RCOR3: variants seen among roughly 807,000 people sequenced by gnomAD.
The protein encoded by RCOR3 is REST corepressor 3.
A neutral mutation model predicts 64.1 loss-of-function variants in RCOR3; 13 were observed. The ratio of observed to expected loss-of-function variants is 0.20; its 90% CI spans 0.13 to 0.32. RCOR3 has a LOEUF of 0.32. Ranked by LOEUF, RCOR3 falls within the 10% of genes least tolerant of loss-of-function variation. The probability of loss-of-function intolerance (pLI) is 1.00; values close to 1 mark genes in which losing one functional copy is unlikely to be tolerated. For synonymous variants in RCOR3, 215 were observed against 239.0 expected, an observed-to-expected ratio of 0.90 and a Z score of 0.93; for missense variants, 489 against 701.2, an observed-to-expected ratio of 0.70 and a Z score of 3.42.
chr1:211,268,853 TATAAC>T (rs139035890), intron 2 of RCOR3, among the ~76,000 whole-genome samples: 5,311 of 151,416 alleles, frequency 0.035, 124 homozygotes, highest in Non-Finnish European at 0.053. Context: ...TAATTTTCCT[TATAAC>T]ATACATAGAA....
At chr1:211,281,101 C>T (rs1226183809) in intron 7 of RCOR3, among the ~76,000 whole-genome samples, 1 of 152,036 alleles carries the variant, frequency 6.6e-6, no homozygotes, top group Non-Finnish European at 1.5e-5. Flanking sequence ...CACCACTTCA[C>T]TGAAACTGCT....
intron 2 of RCOR3, among the ~76,000 whole-genome samples, chr1:211,262,834 T>TGA (rs1694556821): frequency 1.3e-5 from 2 of 151,222 alleles, no homozygotes; most frequent in East Asian, 1.9e-4. Context: ...TTTTTTTTTT[T>TGA]TGAAGAAGCT....
At position 211,315,249 on chromosome 1, in the gene RCOR3, A is replaced by G. The variant is rs1386307350; in HGVS notation, c.*1481A>G. On this transcript the variant is annotated 3_prime_UTR_variant, in exon 12 of 12. Coordinates refer to ENST00000419091, the MANE Select transcript of RCOR3 (RefSeq NM_001136223.3). The stretch of plus-strand genomic sequence containing the variant: ...GTGTAGAATACTTCACAAAATAGTC[A>G]ACATCTAAGGCCCTAATTTATGTTT... 2 of 152,216 alleles carry G rather than the reference A, an allele frequency of 1.3e-5. No individual in the cohort carries two copies. Among genetic ancestry groups the G allele is most frequent in the Non-Finnish European group, 2.9e-5 (2 of 68,016 alleles). The allele number at this position is 152,216 out of a possible 1,614,324, so 9.4% of individuals were successfully genotyped here. A position where few individuals can be genotyped will look rare whatever the true frequency, so the allele number is the denominator to read the frequency against.
intron 5 of RCOR3, among the ~76,000 whole-genome samples, chr1:211,277,092 A>G (rs1697089976): frequency 1.3e-5 from 2 of 150,756 alleles, no homozygotes; most frequent in Admixed American, 1.3e-4. Context: ...TCTCAAAAAA[A>G]AAAACAAAAA....
At position 211,312,716 on chromosome 1, in the gene RCOR3, C is replaced by T. The variant is rs1165700890; in HGVS notation, c.1076-4C>T. 1.9e-6 allele frequency: 3 copies of T among 1,611,084 alleles called. No homozygotes were observed. Reference sequence around the variant, plus strand: ...ACAGGTGTATTATTTACTTTGCCTTCCAGGTGTCCGCAAATATGGTAAAGA... The same window carrying T: ...ACAGGTGTATTATTTACTTTGCCTTTCAGGTGTCCGCAAATATGGTAAAGA... On this transcript the variant is annotated splice_polypyrimidine_tract_variant and splice_region_variant and intron_variant, in intron 10 of 11. Coordinates refer to ENST00000419091, the MANE Select transcript of RCOR3 (RefSeq NM_001136223.3). This position sits in a 1 kb window ranked among gnomAD's most constrained non-coding sequence, Gnocchi z 5.0.
chr1:211,264,870 G>T (rs6671526), intron 2 of RCOR3, among the ~76,000 whole-genome samples: 144,014 of 152,278 alleles, frequency 0.95, 68,266 homozygotes, highest in East Asian at 1. Context: ...TCTTCCCAAC[G>T]TTTATTTAGT....
At chr1:211,283,716 C>G (rs1292799876) in intron 7 of RCOR3, among the ~76,000 whole-genome samples, 1 of 152,098 alleles carries the variant, frequency 6.6e-6, no homozygotes, top group Non-Finnish European at 1.5e-5. Flanking sequence ...GTGATCATAG[C>G]CACTGCAGCC....
At chr1:211,276,210 G>T (rs1262354099) in intron 4 of RCOR3, 47 bp from the exon 5 acceptor site, 1 of 1,546,458 alleles carries the variant, frequency 6.5e-7, no homozygotes, top group Non-Finnish European at 8.8e-7. Flanking sequence ...TAAGTGTGAT[G>T]GAACATAAGT....
At chr1:211,260,622 G>A (rs577355889) in intron 2 of RCOR3, among the ~76,000 whole-genome samples, 5 of 152,374 alleles carry the variant, frequency 3.3e-5, no homozygotes, top group Admixed American at 2.6e-4. Flanking sequence ...GGCCGGGGAA[G>A]CCAAGGGCGA....
intron 10 of RCOR3, among the ~76,000 whole-genome samples, chr1:211,309,638 C>A (rs943635371): frequency 9.2e-5 from 14 of 152,172 alleles, no homozygotes; most frequent in Non-Finnish European, 4.4e-5. Context: ...AACTATGGTT[C>A]AAGCATACCT....
chr1:211,293,211 A>G (rs993231519), intron 8 of RCOR3, among the ~76,000 whole-genome samples: 3 of 151,974 alleles, frequency 2.0e-5, no homozygotes, highest in African/African-American at 7.3e-5. Context: ...AAGTTTTCTT[A>G]ATTATTTATT....
chr1:211,263,908 C>T (rs1037651114), intron 2 of RCOR3, among the ~76,000 whole-genome samples: 2 of 152,042 alleles, frequency 1.3e-5, no homozygotes, highest in African/African-American at 4.8e-5. Flanking sequence ...GCAACCTCCA[C>T]CTCCTGGGTT....
chr1:211,274,439 A>G (rs1558057399), intron 4 of RCOR3, among the ~76,000 whole-genome samples, 177 bp downstream of exon 4: 2 of 152,130 alleles, frequency 1.3e-5, no homozygotes, highest in East Asian at 3.8e-4. Flanking sequence ...TTTTATAAAC[A>G]TTATTCATCT....
chr1:211,268,570 T>G (rs749496490), intron 2 of RCOR3, among the ~76,000 whole-genome samples: 41 of 151,928 alleles, frequency 2.7e-4, no homozygotes, highest in Middle Eastern at 3.4e-3. Flanking sequence ...AGAGATGAGG[T>G]TTCTCCATGT....
At chr1:211,299,805 T>A (rs1700193086) in intron 9 of RCOR3, among the ~76,000 whole-genome samples, 1 of 152,130 alleles carries the variant, frequency 6.6e-6, no homozygotes, top group Non-Finnish European at 1.5e-5. Flanking sequence ...TAGAAGAATA[T>A]ACTCTGTGAT....
chr1:211,263,720 GTGT>G (rs571899943), intron 2 of RCOR3, among the ~76,000 whole-genome samples: 2 of 152,326 alleles, frequency 1.3e-5, no homozygotes, highest in African/African-American at 2.4e-5. Flanking sequence ...TTATTTATAA[GTGT>G]TGTGCTGTTG....
Position 211,289,352 on chromosome 1 carries a change from A to G in RCOR3, c.895A>G (p.Ile299Val), listed in dbSNP as rs200119098. 2 of 1,614,152 alleles carry G rather than the reference A, an allele frequency of 1.2e-6. No individual in the cohort carries two copies. The highest frequency in any genetic ancestry group is 1.3e-5 in the African/African-American group (1 of 75,038). Reference protein sequence around the residue: ...VSCSPNAANTILRQLDMELIS... With the variant: ...VSCSPNAANTVLRQLDMELIS... ...CTGTAGTCCCAATGCAGCCAACACC[A>G]TCCTGAGGCAACTGGACATGGAGTT... is the stretch of plus-strand genomic sequence containing the variant. The change falls in exon 8 of 12, where the codon ATC becomes GTC. Residue 299 changes from isoleucine to valine, a missense_variant. Around this residue, in one of 2 missense-constraint regions of RCOR3, gnomAD observed 402 missense variants for 617.0 expected, o/e 0.65. Coordinates refer to ENST00000419091, the MANE Select transcript of RCOR3 (RefSeq NM_001136223.3).
At chr1:211,262,252 GCT>G (rs752955750) in intron 2 of RCOR3, among the ~76,000 whole-genome samples, 38 of 151,692 alleles carry the variant, frequency 2.5e-4, no homozygotes, top group Non-Finnish European at 2.8e-4. Flanking sequence ...TGGCCAGGCT[GCT>G]CTCGAACTCC....
intron 7 of RCOR3, among the ~76,000 whole-genome samples, chr1:211,281,898 A>G (rs935359328): frequency 2.0e-5 from 3 of 152,152 alleles, no homozygotes; most frequent in African/African-American, 7.2e-5. Flanking sequence ...TGAGCTCTTT[A>G]AGAGCAAGAA....
Sources: allele counts gnomAD v4.1 joint callset (sites outside exome capture counted in the v4.1 genomes callset), GRCh38; gene constraint gnomAD v4.1.1; regional missense constraint gnomAD v4.1.1; non-coding constraint Gnocchi (gnomAD v3.1); transcripts MANE v1.5; gene names NCBI Gene and HGNC (gene_info 2026-07-23, HGNC 2026-07-21).